NDRG2: variants seen among roughly 807,000 people sequenced by gnomAD.
NDRG2 encodes the protein NDRG family member 2, also known as protein NDRG2.
Under a neutral mutation model 58.2 loss-of-function variants are expected in NDRG2, and 34 were observed. The observed-to-expected ratio is 0.58, with a 90% CI of 0.44 to 0.78. The LOEUF (loss-of-function observed/expected upper bound fraction) is 0.78, where lower values mean the gene tolerates loss of function less well. Ranked by LOEUF, NDRG2 falls within the 30% of genes least tolerant of loss-of-function variation. The pLI is 0.00. For missense variants in NDRG2, 434 were observed against 471.2 expected, an observed-to-expected ratio of 0.92 and a Z score of 0.73; for synonymous variants, 187 against 175.9, an observed-to-expected ratio of 1.06 and a Z score of -0.50.
intron 1 of NDRG2, chr14:21,058,017 A>G (rs370043077): frequency 6.2e-7 from 1 of 1,614,000 alleles, no homozygotes; most frequent in African/African-American, 1.3e-5. Context: ...AAAACTCAGC[A>G]TGTGCAGCCC....
At position 21,043,155 on chromosome 14, in the gene NDRG2, A is replaced by G. The variant is rs767612358; in HGVS notation, c.25-19834T>C. ...CAGCCCTCAAGCATGCAACTCAGCC[A>G]TGAAAAACATTAACAAGCACACAAA... On this transcript the variant is annotated intron_variant, in intron 1 of 14. Transcript: ENST00000403829. 3.1e-6 allele frequency: 5 copies of G among 1,614,094 alleles called. No individual in the cohort carries two copies. In the East Asian group the frequency reaches 6.7e-5, roughly 22 times the overall value.
chr14:21,035,670 G>T (rs1884577492), intron 1 of NDRG2: 1 of 427,372 alleles, frequency 2.3e-6, no homozygotes, highest in Middle Eastern at 3.4e-4. Flanking sequence ...AGGCCGCAGA[G>T]AGAAAGATTG....
chr14:21,017,232 G>A lies in NDRG2; in HGVS notation c.*364C>T, dbSNP rs1877269894. ...CAAATCCCCTCCCCTTGCAAATATG[G>A]GACAAGTAGGGAGAGTCTGATGGAG... On this transcript the variant is annotated 3_prime_UTR_variant, in exon 16 of 16. Transcript: ENST00000556147. 5.3e-6 allele frequency: 2 copies of A among 373,832 alleles called. No individual in the cohort carries two copies. Among genetic ancestry groups the A allele is most frequent in the Non-Finnish European group, 1.0e-5 (2 of 191,932 alleles). The allele number at this position is 373,832 out of a possible 1,614,324, so 23.2% of individuals were successfully genotyped here. A position where few individuals can be genotyped will look rare whatever the true frequency, so the allele number is the denominator to read the frequency against.
chr14:21,037,558 AAC>A lies in NDRG2; in HGVS notation c.25-14239_25-14238del, dbSNP rs1884705125. ...TGGCCTGTGGCCAGGGATATTGCTG[AAC>A]ATCCCACATTTCACAGGACAGCTCC... On this transcript the variant is annotated intron_variant, in intron 1 of 14. Coordinates refer to the NDRG2 transcript ENST00000403829. 2.0e-5 allele frequency among the ~76,000 whole-genome samples: 3 copies of A among 152,250 alleles called. No individual in the cohort carries two copies. The South Asian group carries it at 6.2e-4, about 31-fold the overall frequency.
chr14:21,059,258 TCCTGATCTGGTCTTAATCATTG>T (rs1482210261), intron 1 of NDRG2, among the ~76,000 whole-genome samples: 10 of 152,072 alleles, frequency 6.6e-5, no homozygotes, highest in Non-Finnish European at 1.2e-4. Context: ...CTACTAGGAG[TCCTGATCTGGTCTTAATCATTG>T]CTGAAGACTA....
chr14:21,052,296 C>T (rs993848694), intron 1 of NDRG2, among the ~76,000 whole-genome samples: 1 of 152,198 alleles, frequency 6.6e-6, no homozygotes, highest in Non-Finnish European at 1.5e-5. Context: ...GTTGGGAAGA[C>T]TGGATGCTCT....
At chr14:21,033,000 G>T (rs1386644584) in intron 1 of NDRG2, 5 of 455,884 alleles carry the variant, frequency 1.1e-5, no homozygotes, top group East Asian at 1.4e-4. Context: ...TCGCTGCCTG[G>T]TCAGGGGCAG....
At chr14:21,030,597 G>GA (rs746244209), upstream of NDRG2, 19 of 1,613,632 alleles carry the variant, frequency 1.2e-5, no homozygotes, top group Middle Eastern at 1.6e-4. Flanking sequence ...ATCAGAGGCA[G>GA]AAAAAACATT....
upstream of NDRG2, among the ~76,000 whole-genome samples, chr14:21,026,007 C>T (rs113728724): frequency 3.3e-5 from 5 of 152,226 alleles, no homozygotes; most frequent in African/African-American, 4.8e-5. Flanking sequence ...GGCTTCGCCG[C>T]TAACCCCTCC....
intron 1 of NDRG2, among the ~76,000 whole-genome samples, chr14:21,052,685 G>T (rs1000639146): frequency 6.6e-6 from 1 of 152,202 alleles, no homozygotes; most frequent in African/African-American, 2.4e-5. Flanking sequence ...ATTCCAGGCT[G>T]GGAAGGCTGG....
At position 21,065,183 on chromosome 14, in the gene NDRG2, C is replaced by A. The variant is rs866457112; in HGVS notation, c.24+5645G>T. 1.7e-3 allele frequency among the ~76,000 whole-genome samples: 249 copies of A among 144,694 alleles called. 2 individuals are homozygous for A. The highest frequency in any genetic ancestry group is 5.8e-3 in the African/African-American group (225 of 38,776). 94.9% of individuals were successfully genotyped at this position (144,694 alleles called of 152,430 possible). A position where few individuals can be genotyped will look rare whatever the true frequency, so the allele number is the denominator to read the frequency against. ...AAACTCCATCTCAAAAAAAAAAAAA[C>A]AAACAACAACAACAAAAAAATTCTG... On this transcript the variant is annotated intron_variant, in intron 1 of 14. Coordinates refer to the NDRG2 transcript ENST00000403829.
rs1878176150 is a variant in NDRG2, at chr14:21,018,489, T to C, written c.829A>G (p.Lys277Glu). The C allele has an allele frequency of 1.2e-6, 2 of 1,613,918 alleles. No homozygotes were observed. The highest frequency in any genetic ancestry group is 1.7e-6 in the Non-Finnish European group (2 of 1,179,966). The change falls in exon 13 of 16, where the codon AAA becomes GAA. Residue 277 changes from lysine to glutamate, a missense_variant. Coordinates refer to ENST00000556147, the MANE Select transcript of NDRG2 (RefSeq NM_001320329.2). ...AACGAGGTCTGGGTGGGGTCCAGTT[T>C]TGAGTTACATTCCACCTGGAGTAAG... ...HEDAVVECNS[K>E]LDPTQTSFLK...
intron 1 of NDRG2, among the ~76,000 whole-genome samples, chr14:21,052,351 T>G (rs959126780): frequency 5.3e-5 from 8 of 152,182 alleles, no homozygotes; most frequent in Non-Finnish European, 1.2e-4. Flanking sequence ...AGTACACGAT[T>G]TAGAACCCAA....
At chr14:21,058,516 C>A in intron 1 of NDRG2, 1 of 610,500 alleles carries the variant, frequency 1.6e-6, no homozygotes, top group Non-Finnish European at 2.9e-6. Flanking sequence ...GTTTTACAGA[C>A]GCTCCAAACG....
chr14:21,022,246 A>G, intron 4 of NDRG2, 64 bp from the exon 5 acceptor site: 3 of 1,611,412 alleles, frequency 1.9e-6, no homozygotes, highest in Non-Finnish European at 2.5e-6. Flanking sequence ...CCCAGTCAGA[A>G]CTCACCCTTC....
chr14:21,061,502 A>T (rs953090917), intron 1 of NDRG2, among the ~76,000 whole-genome samples: 2 of 152,130 alleles, frequency 1.3e-5, no homozygotes, highest in Admixed American at 6.5e-5. Flanking sequence ...CCCATAAAAC[A>T]GGGCTCAGTG....
intron 1 of NDRG2, among the ~76,000 whole-genome samples, chr14:21,053,623 T>C (rs974930371): frequency 1.3e-5 from 2 of 151,310 alleles, no homozygotes; most frequent in African/African-American, 4.9e-5. Context: ...CAAGACTCCG[T>C]CTCAGAAAAA....
chr14:21,020,137 T>C, intron 8 of NDRG2, 161 bp from the exon 9 acceptor site: 1 of 615,818 alleles, frequency 1.6e-6, no homozygotes. Context: ...CTACTAATAA[T>C]ACAAATATTA....
chr14:21,022,074 ACAGGGGCTCCCTCTTCCATTC>A lies in NDRG2; in HGVS notation c.311_331del (p.Gly104_Pro110del), dbSNP rs1880783316. 1 of 1,614,036 alleles carries A rather than the reference ACAGGGGCTCCCTCTTCCATTC, an allele frequency of 6.2e-7. No individual in the cohort carries two copies. Among genetic ancestry groups the A allele is most frequent in the Admixed American group, 1.7e-5 (1 of 60,002 alleles). On this transcript the variant is annotated inframe_deletion, in exon 5 of 16. Coordinates refer to ENST00000556147, the MANE Select transcript of NDRG2 (RefSeq NM_001320329.2). ...ACCTAACTCTTACCCCAAAGGGAAC[ACAGGGGCTCCCTCTTCCATTC>A]CAGGGGCATCCACATGAACCCGCAC...
Sources: gnomAD v4.1 joint callset for allele counts (sites outside exome capture counted in the v4.1 genomes callset) on GRCh38, gnomAD v4.1.1 for gene constraint, MANE v1.5 for transcripts, NCBI Gene and HGNC (gene_info 2026-07-23, HGNC 2026-07-21) for gene names.